The following HHLA2 variants were observed in gnomAD, a reference collection of about 807,000 sequenced individuals.
HHLA2 encodes HERV-H LTR-associating protein 2.
HHLA2 carries 48 observed loss-of-function variants against 45.9 expected under a neutral mutation model. That is an observed-to-expected ratio of 1.05 (90% CI 0.83 to 1.33). The LOEUF is 1.33. HHLA2 is among the 40% of genes most tolerant of loss of function. The pLI, the probability that HHLA2 is intolerant of heterozygous loss-of-function variation, is 0.00. For synonymous variants in HHLA2, 161 were observed against 173.9 expected (o/e 0.93, Z 0.59); for missense variants, 462 against 494.3 (o/e 0.93, Z 0.62).
Position 108,355,098 on chromosome 3 carries a change from T to C in HHLA2, c.419-17T>C. 2 of 1,598,214 alleles carry C rather than the reference T, an allele frequency of 1.3e-6. No homozygotes were observed. The highest frequency in any genetic ancestry group is 1.7e-6 in the Non-Finnish European group (2 of 1,171,388). On this transcript the variant is annotated splice_polypyrimidine_tract_variant and intron_variant, in intron 5 of 10. Transcript: ENST00000619531. ...AATGATGGCAGTTTTTCATGCGCCC[T>C]TCTTTCTCCTATGTAGTTTTTCTCA...
intron 8 of HHLA2, among the ~76,000 whole-genome samples, chr3:108,368,750 CAA>C (rs2082112533): frequency 6.6e-6 from 1 of 151,958 alleles, no homozygotes; most frequent in African/African-American, 2.4e-5. Context: ...TAGAGATCTA[CAA>C]AGAGACTTAG....
intron 8 of HHLA2, among the ~76,000 whole-genome samples, chr3:108,372,006 A>T: frequency 6.6e-6 from 1 of 152,230 alleles, no homozygotes; most frequent in Non-Finnish European, 1.5e-5. Flanking sequence ...TCTCCACCCC[A>T]AATCAACAGA....
At chr3:108,310,052 A>G (rs1211356075) in intron 1 of HHLA2, among the ~76,000 whole-genome samples, 1 of 152,144 alleles carries the variant, frequency 6.6e-6, no homozygotes, top group Non-Finnish European at 1.5e-5. Context: ...TGCTTTGGTC[A>G]TTACAGGCTC....
intron 1 of HHLA2, among the ~76,000 whole-genome samples, chr3:108,298,313 C>A (rs1312504692): frequency 6.6e-6 from 1 of 152,182 alleles, no homozygotes; most frequent in Admixed American, 6.5e-5. Context: ...TTAACTGGGG[C>A]TATAAACATA....
rs142235754 is a variant in HHLA2 at position 108,352,801 on chromosome 3, A to T, written c.65-626A>T. ...ATTTATCTCCAGATATTCCTTACCT[A>T]CATTTTGACCAACTCAGGATATCCT... On this transcript the variant is annotated intron_variant, in intron 4 of 10. Transcript: ENST00000619531. 1.6e-3 allele frequency among the ~76,000 whole-genome samples: 244 copies of T among 152,328 alleles called. 2 individuals are homozygous for T. Among genetic ancestry groups the T allele is most frequent in the Non-Finnish European group, 2.7e-3 (186 of 68,026 alleles).
exon 6 of HHLA2, chr3:108,355,170 A>G: frequency 4.3e-6 from 7 of 1,613,680 alleles, no homozygotes; most frequent in South Asian, 1.1e-5. Context: ...GCTTCTTAAT[A>G]TGCAGCGTGT....
exon 4 of HHLA2, chr3:108,351,860 C>T (rs2081784464): frequency 6.2e-7 from 1 of 1,610,526 alleles, no homozygotes; most frequent in Non-Finnish European, 8.5e-7. Context: ...CTCATAACAT[C>T]TCTGAGTGGA....
chr3:108,377,206 G>A, intron 10 of HHLA2, 52 bp from the exon 10 acceptor site: 1 of 1,226,022 alleles, frequency 8.2e-7, no homozygotes, highest in Non-Finnish European at 1.2e-6. Flanking sequence ...GATATAAATG[G>A]TTATTCTGAC....
chr3:108,361,870 G>A (rs528478217), intron 7 of HHLA2, among the ~76,000 whole-genome samples: 1 of 152,194 alleles, frequency 6.6e-6, no homozygotes. Context: ...ATGGCAGACT[G>A]CACTCTTACT....
chr3:108,377,465 C>T, exon 11 of HHLA2: 1 of 582,780 alleles, frequency 1.7e-6, no homozygotes, highest in Non-Finnish European at 3.1e-6. Flanking sequence ...AGACATCATT[C>T]ACTGACCCAC....
At chr3:108,362,430 C>A (rs6779094) in exon 8 of HHLA2, 349,278 of 1,605,142 alleles carry the variant, frequency 0.22, 41,688 homozygotes, top group Non-Finnish European at 0.24. Context: ...TGATTTGGAG[C>A]GTAAAATGTT....
intron 1 of HHLA2, among the ~76,000 whole-genome samples, chr3:108,306,153 C>G (rs533182370): frequency 1.3e-5 from 2 of 152,326 alleles, no homozygotes; most frequent in Non-Finnish European, 2.9e-5. Context: ...TCCATTTCCA[C>G]CCTTCCTCTC....
chr3:108,339,165 C>T (rs1202443489), intron 3 of HHLA2, among the ~76,000 whole-genome samples: 4 of 152,186 alleles, frequency 2.6e-5, no homozygotes, highest in African/African-American at 9.7e-5. Flanking sequence ...ACTATAAAAC[C>T]ATACACAGTT....
intron 1 of HHLA2, among the ~76,000 whole-genome samples, chr3:108,305,062 T>C (rs751035664): frequency 3.3e-5 from 5 of 152,246 alleles, no homozygotes; most frequent in Admixed American, 6.5e-5. Flanking sequence ...TAAAACCTTT[T>C]ACTCATCAAT....
chr3:108,299,567 A>C (rs749644453), intron 1 of HHLA2, among the ~76,000 whole-genome samples: 15 of 152,020 alleles, frequency 9.9e-5, no homozygotes, highest in Non-Finnish European at 1.9e-4. Flanking sequence ...GTTCTGGGTG[A>C]TAAGTGCAGG....
intron 8 of HHLA2, among the ~76,000 whole-genome samples, chr3:108,373,017 A>T (rs1228627285): frequency 2.6e-5 from 4 of 152,198 alleles, no homozygotes; most frequent in Admixed American, 2.6e-4. Flanking sequence ...CCTGGCAGAG[A>T]CACAACCAAA....
intron 3 of HHLA2, among the ~76,000 whole-genome samples, chr3:108,335,228 G>A (rs975346565): frequency 1.8e-4 from 27 of 152,136 alleles, no homozygotes; most frequent in Admixed American, 1.6e-3. Flanking sequence ...GAATGTGCCT[G>A]GCCACATTCC....
At chr3:108,325,603 T>G (rs1323679535) in intron 2 of HHLA2, 1 of 240,578 alleles carries the variant, frequency 4.2e-6, no homozygotes, top group Non-Finnish European at 8.3e-6. Flanking sequence ...GAACTAGAGT[T>G]TCTGCCTCCA....
intron 3 of HHLA2, among the ~76,000 whole-genome samples, chr3:108,350,145 A>G (rs1258786343): frequency 2.0e-5 from 3 of 152,198 alleles, no homozygotes; most frequent in Admixed American, 2.0e-4. Flanking sequence ...ATCCTTTTAT[A>G]TATTATACAT....
Sources: gnomAD v4.1 joint callset for allele counts (sites outside exome capture counted in the v4.1 genomes callset) on GRCh38, gnomAD v4.1.1 for gene constraint, MANE v1.5 for transcripts, NCBI Gene and HGNC (gene_info 2026-07-23, HGNC 2026-07-21) for gene names.